SLITRK5: variants seen among roughly 807,000 people sequenced by gnomAD.
SLITRK5 encodes the protein SLIT and NTRK like family member 5.
SLITRK5 carries 23 observed loss-of-function variants against 56.2 expected under a neutral mutation model. That is an observed-to-expected ratio of 0.41 (90% CI 0.29 to 0.58). The LOEUF is 0.58. Ranked by LOEUF, SLITRK5 falls within the 20% of genes least tolerant of loss-of-function variation. The pLI, the probability that SLITRK5 is intolerant of heterozygous loss-of-function variation, is 0.30. For synonymous variants in SLITRK5, 637 were observed against 531.8 expected, an observed-to-expected ratio of 1.20 and a Z score of -2.72; for missense variants, 1,289 against 1,226.6, an observed-to-expected ratio of 1.05 and a Z score of -0.76.
chr13:87,677,906 C>T lies in SLITRK5; in HGVS notation c.2518C>T (p.Pro840Ser). The T allele has an allele frequency of 1.9e-6, 3 of 1,613,496 alleles. No homozygotes were observed. Among genetic ancestry groups the T allele is most frequent in the Non-Finnish European group, 2.5e-6 (3 of 1,179,726 alleles). The change falls in exon 2 of 2, where the codon CCC (proline) becomes TCC (serine). Residue 840 changes from proline (P) to serine (S), a missense_variant. By Grantham distance (74) the Pro-to-Ser change is moderately conservative. Around this residue, in one of 3 missense-constraint regions of SLITRK5, gnomAD observed 985 missense variants for 906.0 expected, o/e 1.09. Transcript: ENST00000683689. The surrounding 1 kb of genome is among the most constrained non-coding windows in gnomAD (Gnocchi z 4.7). ...CGCCTACAGCGTCAGCACCATCGAG[C>T]CCCGGGAGGACCTGCTGTCGCCGGT... ...SPAYSVSTIE[P>S]REDLLSPVQD...
chr13:87,672,753 A>G (rs1433128436), intron 1 of SLITRK5: 1 of 151,472 alleles, frequency 6.6e-6, no homozygotes, highest in East Asian at 2.0e-4. Flanking sequence ...GCATACCCCA[A>G]AGAGGGTTTT....
intron 1 of SLITRK5, chr13:87,674,337 G>A: frequency 1.1e-6 from 1 of 946,924 alleles, no homozygotes; most frequent in East Asian, 1.2e-4. Flanking sequence ...CCAAAGATGG[G>A]GATGCTGTCG....
rs370814025 is a variant in SLITRK5 at position 87,677,821 on chromosome 13, G to T, written c.2433G>T (p.Pro811=). 46 of 1,611,168 alleles carry T rather than the reference G, an allele frequency of 2.9e-5. No individual in the cohort carries two copies. The African/African-American group carries it at 6.1e-4, about 21-fold the overall frequency. Residue 811 remains proline, a synonymous_variant, in exon 2 of 2, where the codon CCG becomes CCT. Coordinates refer to ENST00000683689, the MANE Select transcript of SLITRK5 (RefSeq NM_001384609.1). This position sits in a 1 kb window ranked among gnomAD's most constrained non-coding sequence, Gnocchi z 4.7. ...PPQQPQQQPP[P]QLQLQPGEEE... ...AGCAGCCACAGCAGCAGCCCCCGCC[G>T]CAGCTGCAGCTGCAGCCCGGGGAGG...
chr13:87,676,003 G>A lies in SLITRK5; in HGVS notation c.615G>A (p.Leu205=). The A allele has an allele frequency of 1.2e-6, 2 of 1,614,122 alleles. No individual in the cohort carries two copies. Among genetic ancestry groups the A allele is most frequent in the Non-Finnish European group, 1.7e-6 (2 of 1,180,032 alleles). The change falls in exon 2 of 2, where the codon TTG becomes TTA. Residue 205 remains leucine (L), a synonymous_variant. Coordinates refer to ENST00000683689, the MANE Select transcript of SLITRK5 (RefSeq NM_001384609.1). ...TCCGTTTTGTGCCCTTAACGCACTT[G>A]GACCTCCGGGGGAACCGGCTGAAAC... ...NLFRFVPLTH[L]DLRGNRLKLL... is the part of the protein sequence containing the mutation.
At position 87,676,682 on chromosome 13, in the gene SLITRK5, G is replaced by T. The variant is rs1474753086; in HGVS notation, c.1294G>T (p.Ala432Ser). The change falls in exon 2 of 2, where the codon GCC (alanine) becomes TCC (serine). Residue 432 changes from alanine (A) to serine (S), a missense_variant. Around this residue, in one of 3 missense-constraint regions of SLITRK5, gnomAD observed 985 missense variants for 906.0 expected, o/e 1.09. Transcript: ENST00000683689. Reference protein sequence around the residue: ...AVVRRTDFLEATGLDLLHLGN... With the variant: ...AVVRRTDFLESTGLDLLHLGN... ...CGTGCGCAGGACAGACTTCCTGGAG[G>T]CCACGGGGCTGGACCTCCTGCACCT... The T allele has an allele frequency of 6.2e-7, 1 of 1,613,876 alleles. No homozygotes were observed. The highest frequency in any genetic ancestry group is 1.3e-5 in the African/African-American group (1 of 74,920).
At position 87,675,450 on chromosome 13, in the gene SLITRK5, G is replaced by T; in HGVS notation, c.62G>T (p.Trp21Leu). The change falls in exon 2 of 2, where the codon TGG becomes TTG. Residue 21 changes from tryptophan to leucine, a missense_variant. Coordinates refer to ENST00000683689, the MANE Select transcript of SLITRK5 (RefSeq NM_001384609.1). ...GACCTTCACAGAAAAATGCATAGCT[G>T]GATGCTGCAGACTCTAGCGTTTGCT... Reference protein sequence around the residue: ...EQDLHRKMHSWMLQTLAFAVT... With the variant: ...EQDLHRKMHSLMLQTLAFAVT... 3 of 1,614,136 alleles carry T rather than the reference G, an allele frequency of 1.9e-6. No homozygotes were observed. The highest frequency in any genetic ancestry group is 1.3e-5 in the African/African-American group (1 of 75,026).
chr13:87,672,853 AGGTGTGTG>A (rs1394784058), intron 1 of SLITRK5: 3 of 124,588 alleles, frequency 2.4e-5, no homozygotes, highest in African/African-American at 9.5e-5. Context: ...TTTGCAAAAG[AGGTGTGTG>A]TGTGTGTGTG....
At chr13:87,675,113 A>C (rs1877213908) in intron 1 of SLITRK5, among the ~76,000 whole-genome samples, 1 of 152,066 alleles carries the variant, frequency 6.6e-6, no homozygotes, top group African/African-American at 2.4e-5. Flanking sequence ...CTAAAATGGG[A>C]CTTTATCTAA....
intron 1 of SLITRK5, among the ~76,000 whole-genome samples, chr13:87,673,998 GCACACACAAA>G (rs1467645675): frequency 7.5e-6 from 1 of 133,174 alleles, no homozygotes; most frequent in African/African-American, 3.0e-5. Context: ...GCGCGCGCGC[GCACACACAAA>G]CACACACACA....
chr13:87,676,499 C>A lies in SLITRK5; in HGVS notation c.1111C>A (p.Pro371Thr). 1 of 1,614,072 alleles carries A rather than the reference C, an allele frequency of 6.2e-7. No individual in the cohort carries two copies. The highest frequency in any genetic ancestry group is 8.5e-7 in the Non-Finnish European group (1 of 1,180,018). ...SIAYQTKSPV[P>T]LECPTACSCN... ...CGCCTATCAGACCAAATCCCCGGTG[C>A]CTTTGGAGTGTCCCACCGCGTGCTC... The change falls in exon 2 of 2, where the codon CCT (proline) becomes ACT (threonine). Residue 371 changes from proline (P) to threonine (T), a missense_variant. Coordinates refer to ENST00000683689, the MANE Select transcript of SLITRK5 (RefSeq NM_001384609.1).
Position 87,676,437 on chromosome 13 carries a change from C to T in SLITRK5, c.1049C>T (p.Ser350Phe). The T allele has an allele frequency of 6.2e-7, 1 of 1,614,116 alleles. No homozygotes were observed. The highest frequency in any genetic ancestry group is 8.5e-7 in the Non-Finnish European group (1 of 1,180,016). The change falls in exon 2 of 2, where the codon TCT becomes TTT. Residue 350 changes from serine (S) to phenylalanine (F), a missense_variant. Physicochemically the swap from Ser to Phe is radical, Grantham distance 155. Around this residue, in one of 3 missense-constraint regions of SLITRK5, gnomAD observed 985 missense variants for 906.0 expected, o/e 1.09. Coordinates refer to ENST00000683689, the MANE Select transcript of SLITRK5 (RefSeq NM_001384609.1). ...PRVRPTSRQP[S>F]KDLGYSNYGP... ...GTGCGCCCCACCTCTCGGCAGCCCT[C>T]TAAGGACTTGGGCTACAGCAACTAT...
intron 1 of SLITRK5, among the ~76,000 whole-genome samples, chr13:87,674,801 C>A (rs1031058849): frequency 5.9e-5 from 9 of 152,120 alleles, no homozygotes; most frequent in Non-Finnish European, 1.3e-4. Flanking sequence ...CATTATATTA[C>A]AGCCTTTTTG....
rs1566317283 is a variant in SLITRK5, at chr13:87,671,824, C to A, written c.-394C>A. Among the ~76,000 whole-genome samples, 1 of 151,984 alleles carries A rather than the reference C, an allele frequency of 6.6e-6. No individual in the cohort carries two copies. The highest frequency in any genetic ancestry group is 2.4e-5 in the African/African-American group (1 of 41,388). On this transcript the variant is annotated 5_prime_UTR_variant, in exon 1 of 2. Transcript: ENST00000683689. ...GGCGGCGGGCTCGGCGCGGAGACAGCGTCGGCGGGATCCCAGCGCGGTGGT... is the reference window on the plus strand; with the variant it reads ...GGCGGCGGGCTCGGCGCGGAGACAGAGTCGGCGGGATCCCAGCGCGGTGGT...
rs960652200 is a variant in SLITRK5, at chr13:87,677,334, C to T, written c.1946C>T (p.Pro649Leu). The change falls in exon 2 of 2, where the codon CCC becomes CTC. Residue 649 changes from proline (P) to leucine (L), a missense_variant. Pro to Leu is a moderately conservative substitution (Grantham distance 98). This residue lies in a region of SLITRK5 where 985 missense variants were observed against 906.0 expected (regional missense o/e 1.09). Coordinates refer to ENST00000683689, the MANE Select transcript of SLITRK5 (RefSeq NM_001384609.1). This position sits in a 1 kb window ranked among gnomAD's most constrained non-coding sequence, Gnocchi z 4.7. ...GTCCGGTTGAATAGCACCGGGGCCC[C>T]CGCGAGCTTGGGCGCAGGCGGAGGG... The part of the protein sequence containing the change: ...PAVRLNSTGA[P>L]ASLGAGGGAS... 1 of 1,614,006 alleles carries T rather than the reference C, an allele frequency of 6.2e-7. No homozygotes were observed. The highest frequency in any genetic ancestry group is 8.5e-7 in the Non-Finnish European group (1 of 1,180,014).
Position 87,677,995 on chromosome 13 carries a change from C to G in SLITRK5, c.2607C>G (p.Pro869=). The G allele has an allele frequency of 1.2e-6, 2 of 1,614,132 alleles. No homozygotes were observed. Among genetic ancestry groups the G allele is most frequent in the Middle Eastern group, 1.7e-4 (1 of 6,060 alleles). ...CAGACAAACACTGCTCCACCACCCCCGCCGGCAATAGCCTCCCGGAATATC... is the reference window on the plus strand; with the variant it reads ...CAGACAAACACTGCTCCACCACCCCGGCCGGCAATAGCCTCCCGGAATATC... ...LEPDKHCSTT[P]AGNSLPEYPK... Residue 869 remains proline, a synonymous_variant, in exon 2 of 2, where the codon CCC becomes CCG. Transcript: ENST00000683689. The surrounding 1 kb of genome is among the most constrained non-coding windows in gnomAD (Gnocchi z 4.7).
In SLITRK5 at chr13:87,676,052, C is replaced by T; in HGVS notation, c.664C>T (p.Gln222Ter). The change falls in exon 2 of 2, where the codon CAG becomes TAG. Residue 222 changes from glutamine to a stop codon, truncating the protein, a stop_gained. Transcript: ENST00000683689. LOFTEE classifies it high-confidence loss of function. The stretch of plus-strand genomic sequence containing the variant: ...ACTTCTGCCCTACGTGGGGCTCTTG[C>T]AGCACATGGATAAAGTTGTGGAGCT... ...LKLLPYVGLLQHMDKVVELQL... is the reference protein window; with the variant it reads ...LKLLPYVGLL 6.2e-7 allele frequency: 1 copy of T among 1,614,114 alleles called. No homozygotes were observed. The highest frequency in any genetic ancestry group is 8.5e-7 in the Non-Finnish European group (1 of 1,180,028).
At position 87,676,490 on chromosome 13, in the gene SLITRK5, T is replaced by A. The variant is rs1877280493; in HGVS notation, c.1102T>A (p.Ser368Thr). ...CCCCAGCATCGCCTATCAGACCAAA[T>A]CCCCGGTGCCTTTGGAGTGTCCCAC... ...YGPSIAYQTKSPVPLECPTAC... is the reference protein window; with the variant it reads ...YGPSIAYQTKTPVPLECPTAC... Residue 368 changes from serine (S) to threonine (T), a missense_variant, in exon 2 of 2, where the codon TCC (serine) becomes ACC (threonine). This residue lies in a region of SLITRK5 where 985 missense variants were observed against 906.0 expected (regional missense o/e 1.09). Transcript: ENST00000683689. 1.2e-6 allele frequency: 2 copies of A among 1,614,002 alleles called. No individual in the cohort carries two copies. Among genetic ancestry groups the A allele is most frequent in the Non-Finnish European group, 1.7e-6 (2 of 1,179,990 alleles).
intron 1 of SLITRK5, chr13:87,672,867 GT>G (rs989672020): frequency 2.6e-5 from 3 of 116,592 alleles, no homozygotes; most frequent in African/African-American, 9.2e-5. Flanking sequence ...GTGTGTGTGT[GT>G]GTGTGTGTGT....
rs777072239 is a variant in SLITRK5, at chr13:87,678,147, C to T, written c.2759C>T (p.Pro920Leu). ...CGGGAACCGGTGCTCTACAGCCCCC[C>T]GAGTGCTGTCTTTGTAGAACCCAAC... ...RLREPVLYSP[P>L]SAVFVEPNRN... The change falls in exon 2 of 2, where the codon CCG (proline) becomes CTG (leucine). Residue 920 changes from proline to leucine, a missense_variant. Pro to Leu is a moderately conservative substitution (Grantham distance 98). Around this residue, in one of 3 missense-constraint regions of SLITRK5, gnomAD observed 985 missense variants for 906.0 expected, o/e 1.09. Coordinates refer to ENST00000683689, the MANE Select transcript of SLITRK5 (RefSeq NM_001384609.1). 1 of 1,614,168 alleles carries T rather than the reference C, an allele frequency of 6.2e-7. No individual in the cohort carries two copies. The highest frequency in any genetic ancestry group is 8.5e-7 in the Non-Finnish European group (1 of 1,180,022).
Sources: gnomAD v4.1 joint callset for allele counts (sites outside exome capture counted in the v4.1 genomes callset) on GRCh38, gnomAD v4.1.1 for gene constraint, gnomAD v4.1.1 regional missense constraint, Gnocchi (gnomAD v3.1) non-coding constraint, MANE v1.5 for transcripts, NCBI Gene and HGNC (gene_info 2026-07-23, HGNC 2026-07-21) for gene names.